Variants in SATB2 observed in about 807,000 individuals in gnomAD.
SATB2 encodes the protein DNA-binding protein SATB2.
A neutral mutation model predicts 73.4 loss-of-function variants in SATB2; 1 was observed. The observed-to-expected ratio is 0.01, with a 90% CI of 0.00 to 0.06. SATB2 has a LOEUF of 0.06. SATB2 is among the 10% of genes least tolerant of loss of function. The pLI is 1.00. For synonymous variants in SATB2, 397 were observed against 367.0 expected, an observed-to-expected ratio of 1.08 and a Z score of -0.93; for missense variants, 459 against 945.8, an observed-to-expected ratio of 0.49 and a Z score of 6.75.
intron 10 of SATB2, among the ~76,000 whole-genome samples, chr2:199,276,880 T>G (rs1033360004): frequency 6.6e-6 from 1 of 152,176 alleles, no homozygotes; most frequent in South Asian, 2.1e-4. Context: ...CTAAAACGCA[T>G]GCTCATAGCA....
At chr2:199,437,079 A>G (rs1401329941) in intron 2 of SATB2, among the ~76,000 whole-genome samples, 1 of 152,202 alleles carries the variant, frequency 6.6e-6, no homozygotes, top group Non-Finnish European at 1.5e-5. Context: ...GAAATGGTGA[A>G]GAAAAAAGAA....
upstream of SATB2, chr2:199,458,415 T>A (rs1280220214): frequency 2.6e-6 from 1 of 377,728 alleles, no homozygotes; most frequent in Non-Finnish European, 5.2e-6. Flanking sequence ...GAGGACCTCA[T>A]GCACGAGGCG....
chr2:199,379,810 G>T (rs1277895380), intron 5 of SATB2, among the ~76,000 whole-genome samples: 5 of 150,792 alleles, frequency 3.3e-5, no homozygotes, highest in African/African-American at 4.9e-5. Context: ...TTACAGGTGT[G>T]AGCCACCATG....
At chr2:199,343,472 T>C (rs1181315630) in intron 7 of SATB2, among the ~76,000 whole-genome samples, 1 of 152,220 alleles carries the variant, frequency 6.6e-6, no homozygotes, top group Non-Finnish European at 1.5e-5. Flanking sequence ...AAATCTATGG[T>C]TGGTTTCATG....
chr2:199,308,036 C>G lies in SATB2; in HGVS notation c.1740+724G>C, dbSNP rs1687484899. ...ACCAAAACAATTTGTGGGCCAAACTCTAGGGGGTCTAACGTTGGAAACCTC... is the reference window on the plus strand; with the variant it reads ...ACCAAAACAATTTGTGGGCCAAACTGTAGGGGGTCTAACGTTGGAAACCTC... On this transcript the variant is annotated intron_variant, in intron 10 of 10. Coordinates refer to ENST00000417098, the MANE Select transcript of SATB2 (RefSeq NM_001172509.2). The surrounding 1 kb of genome is among the most constrained non-coding windows in gnomAD (Gnocchi z 4.6). Among the ~76,000 whole-genome samples, 1 of 152,144 alleles carries G rather than the reference C, an allele frequency of 6.6e-6. No individual in the cohort carries two copies. Among genetic ancestry groups the G allele is most frequent in the Admixed American group, 6.6e-5 (1 of 15,262 alleles).
intron 2 of SATB2, among the ~76,000 whole-genome samples, chr2:199,450,051 CCAA>C (rs1388713911): frequency 6.6e-6 from 1 of 152,016 alleles, no homozygotes; most frequent in Non-Finnish European, 1.5e-5. Context: ...TGGGTTAGAT[CCAA>C]CATTTCACTG....
At chr2:199,421,179 G>T (rs568036769) in intron 3 of SATB2, among the ~76,000 whole-genome samples, 14 of 152,200 alleles carry the variant, frequency 9.2e-5, no homozygotes, top group African/African-American at 3.1e-4. Flanking sequence ...ACTCAAATAG[G>T]TTCCAGGTAG....
chr2:199,462,175 T>A (rs1057501491), upstream of SATB2, among the ~76,000 whole-genome samples: 4 of 152,216 alleles, frequency 2.6e-5, no homozygotes, highest in Non-Finnish European at 4.4e-5. This position sits in a 1 kb window ranked among gnomAD's most constrained non-coding sequence, Gnocchi z 5.9. Context: ...GGGAAAACTA[T>A]GGGAATCGCC....
intron 8 of SATB2, among the ~76,000 whole-genome samples, chr2:199,328,237 C>T (rs774973802): frequency 5.3e-5 from 8 of 152,068 alleles, no homozygotes; most frequent in Non-Finnish European, 1.2e-4. Context: ...ACATGTTCAG[C>T]GGATTAAGAA....
chr2:199,387,747 T>C (rs1259181385), intron 3 of SATB2, among the ~76,000 whole-genome samples: 3 of 152,326 alleles, frequency 2.0e-5, no homozygotes, highest in African/African-American at 7.2e-5. Flanking sequence ...ATCTACTCAA[T>C]GTGTAATGTG....
chr2:199,301,475 A>G (rs2345726), intron 10 of SATB2, among the ~76,000 whole-genome samples: 2,728 of 152,190 alleles, frequency 0.018, 86 homozygotes, highest in African/African-American at 0.061. Flanking sequence ...CTATTTCCCA[A>G]TCTTCTTGAG....
intron 10 of SATB2, among the ~76,000 whole-genome samples, chr2:199,289,377 C>G (rs1692782672): frequency 6.6e-6 from 1 of 152,022 alleles, no homozygotes; most frequent in South Asian, 2.1e-4. Context: ...TTCCTAATTC[C>G]CTGGGGCAAA....
chr2:199,466,738 G>C (rs992715540), upstream of SATB2, among the ~76,000 whole-genome samples: 3 of 152,188 alleles, frequency 2.0e-5, no homozygotes, highest in African/African-American at 7.2e-5. Flanking sequence ...TCCCTGCTAT[G>C]GCATATTTTG....
intron 3 of SATB2, among the ~76,000 whole-genome samples, chr2:199,416,113 A>C (rs1182058716): frequency 6.6e-6 from 1 of 152,226 alleles, no homozygotes; most frequent in Non-Finnish European, 1.5e-5. Flanking sequence ...ATTTCGCACA[A>C]GGACTATTAT....
At chr2:199,321,796 A>C (rs998911135) in intron 9 of SATB2, among the ~76,000 whole-genome samples, 12 of 152,072 alleles carry the variant, frequency 7.9e-5, no homozygotes, top group African/African-American at 2.9e-4. Flanking sequence ...TAATAAACAT[A>C]GTGCCTGAAT....
At position 199,272,183 on chromosome 2, in the gene SATB2, G is replaced by A. The variant is rs1692177011; in HGVS notation, c.*28C>T. 6 of 1,587,472 alleles carry A rather than the reference G, an allele frequency of 3.8e-6. No individual in the cohort carries two copies. The highest frequency in any genetic ancestry group is 1.1e-5 in the South Asian group (1 of 90,560). ...GAAAGCAGAAAATCCTTGGACCGAT[G>A]TATTGCTTTGCCTAGTAGAAGTTCA... On this transcript the variant is annotated 3_prime_UTR_variant, in exon 11 of 11. Transcript: ENST00000417098. This position sits in a 1 kb window ranked among gnomAD's most constrained non-coding sequence, Gnocchi z 6.7.
At chr2:199,430,335 A>G (rs1237146704) in intron 3 of SATB2, among the ~76,000 whole-genome samples, 1 of 152,232 alleles carries the variant, frequency 6.6e-6, no homozygotes, top group East Asian at 1.9e-4. Context: ...GGCCCATCAT[A>G]CATATAGTAT....
chr2:199,282,161 G>A (rs1692525298), intron 10 of SATB2, among the ~76,000 whole-genome samples: 1 of 152,124 alleles, frequency 6.6e-6, no homozygotes, highest in African/African-American at 2.4e-5. Context: ...GATTACAGGC[G>A]TAAACCACTG....
chr2:199,291,851 C>T (rs1692873123), intron 10 of SATB2, among the ~76,000 whole-genome samples: 1 of 151,438 alleles, frequency 6.6e-6, no homozygotes, highest in Non-Finnish European at 1.5e-5. Context: ...GCGGAGGTTG[C>T]AATGAGCCAA....
Sources: allele counts gnomAD v4.1 joint callset (sites outside exome capture counted in the v4.1 genomes callset), GRCh38; gene constraint gnomAD v4.1.1; non-coding constraint Gnocchi (gnomAD v3.1); transcripts MANE v1.5; gene names NCBI Gene and HGNC (gene_info 2026-07-23, HGNC 2026-07-21).